CARD8: variants seen among roughly 807,000 people sequenced by gnomAD.
The protein encoded by CARD8 is caspase recruitment domain-containing protein 8.
A neutral mutation model predicts 53.2 loss-of-function variants in CARD8; 38 were observed. The observed-to-expected ratio is 0.71, with a 90% CI of 0.55 to 0.94. The LOEUF (loss-of-function observed/expected upper bound fraction) is 0.94. CARD8 is among the 40% of genes least tolerant of loss of function. CARD8 has a pLI of 0.00. For synonymous variants in CARD8, 245 were observed against 244.9 expected, an observed-to-expected ratio of 1.00 and a Z score of 0.00; for missense variants, 561 against 655.5, an observed-to-expected ratio of 0.86 and a Z score of 1.57.
At chr19:48,229,111 T>C (rs11666976) in intron 10 of CARD8, among the ~76,000 whole-genome samples, 45,339 of 151,640 alleles carry the variant, frequency 0.3, 7,066 homozygotes, top group East Asian at 0.46. Context: ...CATTCTAGCC[T>C]GGGCAACAGA....
At chr19:48,204,353 G>A (rs1432642729), downstream of CARD8, 3 of 355,712 alleles carry the variant, frequency 8.4e-6, no homozygotes, top group Admixed American at 1.1e-4. Flanking sequence ...GCAGTAAGGG[G>A]AGTTGGGGTG....
At position 48,234,419 on chromosome 19, in the gene CARD8, C is replaced by G. The variant is rs751520956; in HGVS notation, c.334G>C (p.Gly112Arg). ...TTTTCTTACCTGGGAATGTCCCCCC[C>G]AGATAGTTGACACTCAGGAACAGCA... ...FRAVPECQLS[G>R]GDIPSVSEEQ... The change falls in exon 6 of 14, where the codon GGG (glycine) becomes CGG (arginine). Residue 112 changes from glycine to arginine, a missense_variant. By Grantham distance (125) the Gly-to-Arg change is moderately radical (BLOSUM62 -2). Transcript: ENST00000651546. The G allele has an allele frequency of 9.3e-6, 15 of 1,612,468 alleles. No homozygotes were observed. The highest frequency in any genetic ancestry group is 7.7e-5 in the South Asian group (7 of 90,824).
chr19:48,210,599 C>T lies in CARD8; in HGVS notation c.*1111G>A, dbSNP rs2037817302. ...TAGGATCTAAATGGTGATAAAGTGC[C>T]TAGATTCCACTTTAAGTGGTACAAA... is the stretch of plus-strand genomic sequence containing the variant. On this transcript the variant is annotated 3_prime_UTR_variant, in exon 14 of 14. Transcript: ENST00000651546. The T allele has an allele frequency of 6.6e-6, 1 of 151,940 alleles. No individual in the cohort carries two copies. The highest frequency in any genetic ancestry group is 2.1e-4 in the South Asian group (1 of 4,826). 9.4% of individuals were successfully genotyped at this position (151,940 alleles called of 1,614,324 possible).
At chr19:48,245,534 G>A (rs1482959929) in intron 3 of CARD8, among the ~76,000 whole-genome samples, 3 of 152,176 alleles carry the variant, frequency 2.0e-5, no homozygotes, top group East Asian at 3.9e-4. Flanking sequence ...ATATACAAAA[G>A]TGAATAGCTT....
chr19:48,217,477 T>C (rs1418793815), intron 12 of CARD8, among the ~76,000 whole-genome samples: 1 of 152,228 alleles, frequency 6.6e-6, no homozygotes, highest in Non-Finnish European at 1.5e-5. Context: ...TATCACTGCA[T>C]ACAACTTATC....
At chr19:48,254,646 G>C (rs1034162052) in intron 1 of CARD8, among the ~76,000 whole-genome samples, 1 of 151,972 alleles carries the variant, frequency 6.6e-6, no homozygotes, top group African/African-American at 2.4e-5. Flanking sequence ...GCAGCTACTC[G>C]GGAGGCTGAG....
intron 11 of CARD8, among the ~76,000 whole-genome samples, chr19:48,220,202 G>A (rs148968282): frequency 9.3e-4 from 141 of 152,286 alleles, no homozygotes; most frequent in African/African-American, 3.3e-3. Flanking sequence ...AAGGAAACTG[G>A]GAACTAAAAT....
downstream of CARD8, chr19:48,203,413 C>T (rs758373099): frequency 6.6e-6 from 1 of 152,232 alleles, no homozygotes; most frequent in East Asian, 1.9e-4. Context: ...GGTTCAAATC[C>T]CAGCTCCACT....
downstream of CARD8, chr19:48,203,882 C>CTGTA (rs2037246962): frequency 3.5e-6 from 1 of 287,206 alleles, no homozygotes; most frequent in Non-Finnish European, 6.9e-6. Flanking sequence ...GTATCTCCTG[C>CTGTA]TGTAGCAGCC....
downstream of CARD8, among the ~76,000 whole-genome samples, chr19:48,207,147 G>A (rs1394684732): frequency 1.6e-5 from 2 of 124,626 alleles, no homozygotes; most frequent in East Asian, 2.3e-4. Context: ...CAACCTGGGC[G>A]ACAGAGAGAC....
At chr19:48,220,055 C>T (rs928765500) in intron 11 of CARD8, among the ~76,000 whole-genome samples, 1 of 152,180 alleles carries the variant, frequency 6.6e-6, no homozygotes, top group Non-Finnish European at 1.5e-5. Context: ...AAATACCCTG[C>T]ATTTTATTTA....
chr19:48,235,663 C>T (rs190085080), intron 5 of CARD8, among the ~76,000 whole-genome samples: 17 of 152,278 alleles, frequency 1.1e-4, no homozygotes, highest in African/African-American at 4.1e-4. Context: ...GGATTACAGT[C>T]ATGAGCCACC....
intron 6 of CARD8, chr19:48,234,183 T>C: frequency 2.0e-6 from 1 of 499,110 alleles, no homozygotes; most frequent in South Asian, 2.9e-5. Context: ...CATTGCTCAT[T>C]GCCTTTTTGT....
chr19:48,204,210 G>A (rs562130090), downstream of CARD8: 30 of 455,718 alleles, frequency 6.6e-5, no homozygotes, highest in Non-Finnish European at 1.2e-4. Flanking sequence ...GCGCGCAGGA[G>A]GGGGATTCAA....
At chr19:48,238,192 T>A (rs921821852) in intron 5 of CARD8, 191 bp downstream of exon 5, 1 of 1,068,390 alleles carries the variant, frequency 9.4e-7, no homozygotes, top group Middle Eastern at 3.3e-4. Flanking sequence ...GGCTCAGACC[T>A]TTTTTCCCTA....
At chr19:48,231,923 G>T (rs1376334155) in intron 7 of CARD8, 113 bp from the exon 8 acceptor site, 1 of 905,562 alleles carries the variant, frequency 1.1e-6, no homozygotes, top group South Asian at 1.3e-5. Flanking sequence ...TATCGAATGA[G>T]AGCTGAGAGT....
intron 12 of CARD8, among the ~76,000 whole-genome samples, chr19:48,216,029 AGTTTCTGGTCATTTGACTTCTGG>A: frequency 6.6e-6 from 1 of 151,786 alleles, no homozygotes. Flanking sequence ...CTCACAATTG[AGTTTCTGGTCATTTGACTTCTGG>A]GCAGAACATG....
At chr19:48,220,649 C>T (rs55684312) in intron 11 of CARD8, among the ~76,000 whole-genome samples, 3,754 of 152,106 alleles carry the variant, frequency 0.025, 69 homozygotes, top group Non-Finnish European at 0.04. Context: ...TGTGGTGGCT[C>T]GAGCCTGTAA....
chr19:48,245,506 C>A (rs985896623), intron 3 of CARD8, among the ~76,000 whole-genome samples: 2 of 152,084 alleles, frequency 1.3e-5, no homozygotes, highest in African/African-American at 4.8e-5. Flanking sequence ...AGCCACCGCA[C>A]CAGCCAGAAG....
Sources: allele counts gnomAD v4.1 joint callset (sites outside exome capture counted in the v4.1 genomes callset), GRCh38; gene constraint gnomAD v4.1.1; transcripts MANE v1.5; gene names NCBI Gene and HGNC (gene_info 2026-07-23, HGNC 2026-07-21).